SENP1: variants seen among roughly 807,000 people sequenced by gnomAD.
The protein encoded by SENP1 is sentrin-specific protease 1.
SENP1 carries 21 observed loss-of-function variants against 93.0 expected under a neutral mutation model. That is an observed-to-expected ratio of 0.23 (90% CI 0.16 to 0.33). The LOEUF (loss-of-function observed/expected upper bound fraction) is 0.33, where lower values mean the gene tolerates loss of function less well. Ranked by LOEUF, SENP1 falls within the 10% of genes least tolerant of loss-of-function variation. The pLI is 1.00. For missense variants in SENP1, 591 were observed against 758.7 expected (o/e 0.78, Z 2.60); for synonymous variants, 256 against 259.6 (o/e 0.99, Z 0.13).
At chr12:48,105,499 A>G (rs369722493) in intron 1 of SENP1, 15 of 519,006 alleles carry the variant, frequency 2.9e-5, no homozygotes, top group African/African-American at 2.9e-4. Flanking sequence ...TGGTGGCACT[A>G]GCGATATCAC....
chr12:48,063,196 AATAAT>A (rs1170236305), intron 13 of SENP1, among the ~76,000 whole-genome samples: 3 of 152,204 alleles, frequency 2.0e-5, no homozygotes, highest in African/African-American at 7.2e-5. Context: ...AATATTTAAT[AATAAT>A]ATAACTTTTT....
chr12:48,099,668 C>A (rs935366082), intron 2 of SENP1, among the ~76,000 whole-genome samples: 4 of 152,010 alleles, frequency 2.6e-5, no homozygotes, highest in African/African-American at 9.7e-5. Flanking sequence ...AAAAATACAC[C>A]AGGCATAGTG....
intron 4 of SENP1, 104 bp downstream of exon 4, chr12:48,096,239 G>C: frequency 1.6e-6 from 1 of 622,218 alleles, no homozygotes; most frequent in East Asian, 3.0e-5. Context: ...ATACCATCTT[G>C]TTTTTGACAA....
intron 14 of SENP1, 63 bp downstream of exon 14, chr12:48,048,866 C>A: frequency 8.0e-7 from 1 of 1,245,282 alleles, no homozygotes; most frequent in Non-Finnish European, 1.2e-6. Context: ...CTACTCACTA[C>A]CCTCTGTGTG....
In SENP1 at chr12:48,105,907, C is replaced by T. The variant is rs1946527715; in HGVS notation, c.-45+121G>A. 8 of 637,204 alleles carry T rather than the reference C, an allele frequency of 1.3e-5. 1 individual carries two copies. Among genetic ancestry groups the T allele is most frequent in the South Asian group, 6.9e-5 (4 of 58,062 alleles). 39.5% of individuals were successfully genotyped at this position (637,204 alleles called of 1,614,324 possible). A position where few individuals can be genotyped will look rare whatever the true frequency, so the allele number is the denominator to read the frequency against. ...GGCGGGGCAGAGGAAAAGGCGCCGG[C>T]CCCACAGTGCTCCCCGCTTCCGCCC... On this transcript the variant is annotated intron_variant, in intron 1 of 17. Coordinates refer to ENST00000549518, the MANE Select transcript of SENP1 (RefSeq NM_001267594.2).
In SENP1 at chr12:48,044,391, T is replaced by C. The variant is rs1941214663; in HGVS notation, c.*931A>G. Reference sequence around the variant, plus strand: ...ATATATATATGTATGTGTATATATATATGTATATATATATGAAATTCTCTG... The same window carrying C: ...ATATATATATGTATGTGTATATATACATGTATATATATATGAAATTCTCTG... On this transcript the variant is annotated 3_prime_UTR_variant, in exon 18 of 18. Coordinates refer to ENST00000549518, the MANE Select transcript of SENP1 (RefSeq NM_001267594.2). 1.3e-5 allele frequency: 2 copies of C among 149,654 alleles called. 1 individual carries two copies. Among genetic ancestry groups the C allele is most frequent in the South Asian group, 4.2e-4 (2 of 4,784 alleles). 9.3% of individuals were successfully genotyped at this position (149,654 alleles called of 1,614,324 possible).
rs754290975 is a variant in SENP1, at chr12:48,048,994, C to T, written c.1546G>A (p.Val516Ile). The T allele has an allele frequency of 2.8e-5, 45 of 1,613,776 alleles. No homozygotes were observed. Among genetic ancestry groups the T allele is most frequent in the Non-Finnish European group, 3.7e-5 (44 of 1,179,754 alleles). ...YQAVKRWTKKVDVFSVDILLV... is the reference protein window; with the variant it reads ...YQAVKRWTKKIDVFSVDILLV... ...AGAATGTCAACAGAAAATACATCTACTTTCTTTGTCCAACGTTTCACTGCC... is the reference window on the plus strand; with the variant it reads ...AGAATGTCAACAGAAAATACATCTATTTTCTTTGTCCAACGTTTCACTGCC... Residue 516 changes from valine (V) to isoleucine (I), a missense_variant, in exon 14 of 18, where the codon GTA (valine) becomes ATA (isoleucine). By Grantham distance (29) the Val-to-Ile change is conservative. This residue lies in a region of SENP1 where 132 missense variants were observed against 230.1 expected (regional missense o/e 0.57). Transcript: ENST00000549518.
At chr12:48,065,947 C>T (rs1429133981) in intron 10 of SENP1, among the ~76,000 whole-genome samples, 1 of 152,122 alleles carries the variant, frequency 6.6e-6, no homozygotes, top group Non-Finnish European at 1.5e-5. Flanking sequence ...AAGCGACCCC[C>T]CTACCTTGGC....
intron 13 of SENP1, among the ~76,000 whole-genome samples, chr12:48,054,475 A>T (rs1565739283): frequency 6.6e-6 from 1 of 152,146 alleles, no homozygotes; most frequent in African/African-American, 2.4e-5. Context: ...TAACTTTTGT[A>T]AACCTATGTC....
At chr12:48,066,802 G>T in intron 10 of SENP1, 125 bp downstream of exon 10, 1 of 752,406 alleles carries the variant, frequency 1.3e-6, no homozygotes, top group Non-Finnish European at 2.3e-6. Context: ...GTGAGCCACC[G>T]CGCCCAGCCT....
At chr12:48,078,364 C>G (rs1360175092) in intron 6 of SENP1, among the ~76,000 whole-genome samples, 1 of 65,588 alleles carries the variant, frequency 1.5e-5, no homozygotes, top group Non-Finnish European at 4.0e-5. Flanking sequence ...CACACACACA[C>G]ATACACATAT....
At chr12:48,095,530 T>C (rs1211711247) in intron 4 of SENP1, among the ~76,000 whole-genome samples, 1 of 126,060 alleles carries the variant, frequency 7.9e-6, no homozygotes, top group Non-Finnish European at 1.6e-5. Context: ...AGGGAGACTC[T>C]GTGTCAAAAA....
At chr12:48,094,273 G>A (rs1023852388) in intron 4 of SENP1, among the ~76,000 whole-genome samples, 12 of 152,056 alleles carry the variant, frequency 7.9e-5, no homozygotes, top group Non-Finnish European at 1.8e-4. Flanking sequence ...CCAACTACTC[G>A]GGAGACTGAA....
intron 12 of SENP1, among the ~76,000 whole-genome samples, chr12:48,064,504 A>G (rs555254759): frequency 6.6e-6 from 1 of 152,360 alleles, no homozygotes; most frequent in African/African-American, 2.4e-5. Context: ...GTAAAAATGC[A>G]CATGACATGA....
chr12:48,105,961 C>G (rs1164149924), intron 1 of SENP1, 67 bp downstream of exon 1: 3 of 696,926 alleles, frequency 4.3e-6, no homozygotes, highest in African/African-American at 1.8e-5. Context: ...TGACCGGGTC[C>G]GACACAGTCT....
chr12:48,044,686 T>C lies in SENP1; in HGVS notation c.*636A>G, dbSNP rs1941237538. On this transcript the variant is annotated 3_prime_UTR_variant, in exon 18 of 18. Coordinates refer to ENST00000549518, the MANE Select transcript of SENP1 (RefSeq NM_001267594.2). The stretch of plus-strand genomic sequence containing the variant: ...AGGGCTCATGTGCTGTGCCTCCGGA[T>C]AGGATGAAGCTACAGATGATAAAAC... The C allele has an allele frequency of 6.6e-6, 1 of 152,354 alleles. No homozygotes were observed. Among genetic ancestry groups the C allele is most frequent in the Admixed American group, 6.5e-5 (1 of 15,306 alleles). The allele number at this position is 152,354 out of a possible 1,614,324, so 9.4% of individuals were successfully genotyped here. A position where few individuals can be genotyped will look rare whatever the true frequency, so the allele number is the denominator to read the frequency against.
intron 13 of SENP1, among the ~76,000 whole-genome samples, chr12:48,051,137 A>C (rs1438640096): frequency 6.6e-6 from 1 of 151,830 alleles, no homozygotes; most frequent in Non-Finnish European, 1.5e-5. Context: ...TCACTATTCT[A>C]TTTTTCAAGA....
chr12:48,055,838 A>T (rs1232504280), intron 13 of SENP1, among the ~76,000 whole-genome samples: 1 of 144,040 alleles, frequency 6.9e-6, no homozygotes, highest in East Asian at 2.0e-4. Context: ...TTATATATTT[A>T]TATATATTAA....
chr12:48,103,661 T>C (rs1360976936), intron 1 of SENP1, among the ~76,000 whole-genome samples: 3 of 68,002 alleles, frequency 4.4e-5, no homozygotes, highest in African/African-American at 1.6e-4. Flanking sequence ...ACTGTAAAAA[T>C]GTTTTCTTTT....
Sources: gnomAD v4.1 joint callset for allele counts (sites outside exome capture counted in the v4.1 genomes callset) on GRCh38, gnomAD v4.1.1 for gene constraint, gnomAD v4.1.1 regional missense constraint, MANE v1.5 for transcripts, NCBI Gene and HGNC (gene_info 2026-07-23, HGNC 2026-07-21) for gene names.